WDR17: variants seen among roughly 807,000 people sequenced by gnomAD.
The protein encoded by WDR17 is WD repeat-containing protein 17.
Under a neutral mutation model 161.7 loss-of-function variants are expected in WDR17, and 143 were observed. That is an observed-to-expected ratio of 0.88 (90% confidence interval 0.77 to 1.02). The LOEUF (loss-of-function observed/expected upper bound fraction) is 1.02, where lower values mean the gene tolerates loss of function less well. Among genes scored for constraint, WDR17 ranks in the 50% least tolerant of loss-of-function variants. WDR17 has a pLI of 0.00. For missense variants in WDR17, 1,469 were observed against 1,520.9 expected (o/e 0.97, Z 0.57); for synonymous variants, 517 against 515.6 (o/e 1.00, Z -0.04).
At chr4:176,113,723 A>G (rs760465103) in intron 2 of WDR17, among the ~76,000 whole-genome samples, 1 of 152,014 alleles carries the variant, frequency 6.6e-6, no homozygotes, top group Non-Finnish European at 1.5e-5. Context: ...TTATTAAATA[A>G]CACTTAGTGC....
At chr4:176,145,137 G>A (rs1007978786) in intron 11 of WDR17, among the ~76,000 whole-genome samples, 3 of 152,168 alleles carry the variant, frequency 2.0e-5, no homozygotes, top group Non-Finnish European at 4.4e-5. Flanking sequence ...TCCACAGTGT[G>A]TAACTGCCTT....
At chr4:176,122,451 G>C (rs1300212553) in intron 4 of WDR17, among the ~76,000 whole-genome samples, 1 of 152,102 alleles carries the variant, frequency 6.6e-6, no homozygotes, top group East Asian at 1.9e-4. Flanking sequence ...TATTCTGTAG[G>C]ATTTATTTAG....
chr4:176,175,623 TCTC>T (rs2126893663), intron 26 of WDR17, among the ~76,000 whole-genome samples: 1 of 152,246 alleles, frequency 6.6e-6, no homozygotes, highest in South Asian at 2.1e-4. Context: ...AGTGGCACAA[TCTC>T]AGCCCACTGC....
At chr4:176,165,837 C>T (rs1471957346) in intron 22 of WDR17, among the ~76,000 whole-genome samples, 2 of 152,132 alleles carry the variant, frequency 1.3e-5, no homozygotes, top group Non-Finnish European at 2.9e-5. Context: ...CCTTGTAACG[C>T]CCCCATCCCA....
At chr4:176,096,453 G>T (rs1736873339) in intron 1 of WDR17, 3 of 1,309,182 alleles carry the variant, frequency 2.3e-6, no homozygotes, top group South Asian at 2.7e-5. Flanking sequence ...ACACATTGTT[G>T]TTACTTTAGG....
chr4:176,140,149 A>G (rs1390119396), intron 10 of WDR17, among the ~76,000 whole-genome samples, 175 bp downstream of exon 10: 6 of 152,110 alleles, frequency 3.9e-5, no homozygotes, highest in African/African-American at 7.2e-5. Flanking sequence ...TCATTAATAA[A>G]TAACAATGCA....
intron 4 of WDR17, among the ~76,000 whole-genome samples, chr4:176,120,923 AAAT>A (rs1259925736): frequency 9.2e-5 from 14 of 152,174 alleles, no homozygotes; most frequent in African/African-American, 3.4e-4. Context: ...TTTCTTCAGG[AAAT>A]AATGTTTCTA....
At chr4:176,082,507 C>T (rs1215534427) in intron 1 of WDR17, among the ~76,000 whole-genome samples, 1 of 151,832 alleles carries the variant, frequency 6.6e-6, no homozygotes, top group East Asian at 1.9e-4. Context: ...GCTTAAAAGT[C>T]CAGGTTTTCC....
intron 26 of WDR17, among the ~76,000 whole-genome samples, chr4:176,175,671 C>T (rs1751338886): frequency 6.6e-6 from 1 of 150,964 alleles, no homozygotes; most frequent in African/African-American, 2.5e-5. Flanking sequence ...CATTCTCCTG[C>T]CTCAGCCTCC....
intron 10 of WDR17, among the ~76,000 whole-genome samples, chr4:176,141,382 A>G (rs770945584): frequency 3.3e-4 from 50 of 152,188 alleles, no homozygotes; most frequent in Non-Finnish European, 5.9e-4. Context: ...TGTTAATTAT[A>G]TGATTATGTT....
At chr4:176,112,008 G>A (rs1366573960) in intron 2 of WDR17, among the ~76,000 whole-genome samples, 2 of 151,992 alleles carry the variant, frequency 1.3e-5, no homozygotes, top group African/African-American at 2.4e-5. Flanking sequence ...AGATATTATT[G>A]GGAGAAAAAC....
intron 26 of WDR17, 77 bp downstream of exon 26, chr4:176,174,795 T>G (rs191728047): frequency 2.4e-6 from 2 of 841,406 alleles, no homozygotes; most frequent in African/African-American, 3.4e-5. Flanking sequence ...AAGTGGATTA[T>G]ACAAAGTATC....
intron 1 of WDR17, among the ~76,000 whole-genome samples, chr4:176,080,870 T>C (rs917464880): frequency 6.6e-6 from 1 of 152,178 alleles, no homozygotes. Context: ...AAATTGTGTA[T>C]GAAATGCTTA....
At chr4:176,067,969 TTAA>T (rs1378617046) in intron 1 of WDR17, among the ~76,000 whole-genome samples, 1 of 152,198 alleles carries the variant, frequency 6.6e-6, no homozygotes, top group Non-Finnish European at 1.5e-5. Context: ...CCTAAATACT[TTAA>T]TGACGACTAA....
chr4:176,167,549 G>A (rs1162547728), intron 22 of WDR17, among the ~76,000 whole-genome samples: 1 of 147,524 alleles, frequency 6.8e-6, no homozygotes, highest in Non-Finnish European at 1.5e-5. Flanking sequence ...GGGAGGCTGA[G>A]GCAGGAGAAT....
At chr4:176,176,020 ATC>A (rs1470892162) in intron 26 of WDR17, among the ~76,000 whole-genome samples, 2 of 152,188 alleles carry the variant, frequency 1.3e-5, no homozygotes, top group African/African-American at 4.8e-5. Context: ...TCAGGGAAAA[ATC>A]TCTTTCTACA....
At chr4:176,070,044 C>T (rs1355591139) in intron 1 of WDR17, among the ~76,000 whole-genome samples, 1 of 152,148 alleles carries the variant, frequency 6.6e-6, no homozygotes, top group African/African-American at 2.4e-5. Context: ...GTTACTCTAA[C>T]ACCGTTATTC....
At position 176,177,669 on chromosome 4, in the gene WDR17, C is replaced by A; in HGVS notation, c.3732+15C>A. 6.4e-7 allele frequency: 1 copy of A among 1,568,362 alleles called. No homozygotes were observed. Among genetic ancestry groups the A allele is most frequent in the South Asian group, 1.2e-5 (1 of 82,784 alleles). On this transcript the variant is annotated intron_variant, in intron 28 of 28. Coordinates refer to ENST00000508596, the MANE Select transcript of WDR17 (RefSeq NM_181265.4). ...TAAAAATCCAGGTAAAGCCTAACAT[C>A]AGACATAACATGTGTATTTCACCAT...
At chr4:176,163,064 A>G in intron 21 of WDR17, 90 bp from the exon 22 acceptor site, 1 of 1,482,702 alleles carries the variant, frequency 6.7e-7, no homozygotes. Flanking sequence ...ATAGGTTAAT[A>G]CTGCTTTATC....
Sources: gnomAD v4.1 joint callset for allele counts (sites outside exome capture counted in the v4.1 genomes callset) on GRCh38, gnomAD v4.1.1 for gene constraint, MANE v1.5 for transcripts, NCBI Gene and HGNC (gene_info 2026-07-23, HGNC 2026-07-21) for gene names.